Variants in PPP6R2 observed in about 807,000 individuals in gnomAD.
PPP6R2 encodes serine/threonine-protein phosphatase 6 regulatory subunit 2.
A neutral mutation model predicts 100.2 loss-of-function variants in PPP6R2; 62 were observed. The ratio of observed to expected loss-of-function variants is 0.62; its 90% CI spans 0.50 to 0.76. The LOEUF (loss-of-function observed/expected upper bound fraction) is 0.76, where lower values mean the gene tolerates loss of function less well. PPP6R2 is among the 30% of genes least tolerant of loss of function. PPP6R2 has a pLI of 0.00. For missense variants in PPP6R2, 1,142 were observed against 1,276.3 expected, an observed-to-expected ratio of 0.89 and a Z score of 1.60; for synonymous variants, 525 against 514.7, an observed-to-expected ratio of 1.02 and a Z score of -0.27.
At chr22:50,437,206 C>T (rs1427627408) in intron 15 of PPP6R2, 138 bp downstream of exon 15, 14 of 782,094 alleles carry the variant, frequency 1.8e-5, no homozygotes, top group Admixed American at 1.1e-4. Flanking sequence ...ACGTATGGGG[C>T]GGGGTGGGTC....
intron 22 of PPP6R2, among the ~76,000 whole-genome samples, chr22:50,442,386 T>C (rs557086814): frequency 5.3e-4 from 81 of 152,348 alleles, no homozygotes; most frequent in Non-Finnish European, 1.0e-3. Context: ...CCACCCTGTC[T>C]TCAGGGCATC....
At chr22:50,391,448 A>AAAT (rs2055518373) in intron 2 of PPP6R2, among the ~76,000 whole-genome samples, 1 of 151,380 alleles carries the variant, frequency 6.6e-6, no homozygotes, top group Non-Finnish European at 1.5e-5. Flanking sequence ...AAAAAAAAAA[A>AAAT]AAAAAAAATG....
Position 50,438,479 on chromosome 22 carries a change from G to A in PPP6R2, c.1965-120G>A, listed in dbSNP as rs538666313. ...CCAGAGCTGAGGCCTGGAGCGTCTC[G>A]TGCTCCTCTCTCGAGACGATCTGTG... is the stretch of plus-strand genomic sequence containing the variant. On this transcript the variant is annotated intron_variant, in intron 18 of 23. Coordinates refer to ENST00000612753, the MANE Select transcript of PPP6R2 (RefSeq NM_001242898.2). The A allele has an allele frequency of 3.2e-4, 459 of 1,432,586 alleles. 8 individuals are homozygous for A. The South Asian group carries it at 5.7e-3, about 18-fold the overall frequency. 88.7% of individuals were successfully genotyped at this position (1,432,586 alleles called of 1,614,324 possible).
At chr22:50,341,163 C>T (rs2042365198), upstream of PPP6R2, among the ~76,000 whole-genome samples, 1 of 152,100 alleles carries the variant, frequency 6.6e-6, no homozygotes. Context: ...CCACCCGCCT[C>T]GGCTTCCCAA....
chr22:50,360,983 C>A, intron 1 of PPP6R2, among the ~76,000 whole-genome samples: 1 of 152,194 alleles, frequency 6.6e-6, no homozygotes, highest in East Asian at 1.9e-4. Context: ...ACAGTCAGAC[C>A]TTTAGGAGCT....
chr22:50,362,908 C>T (rs1319013915), intron 1 of PPP6R2, among the ~76,000 whole-genome samples: 1 of 152,180 alleles, frequency 6.6e-6, no homozygotes, highest in Non-Finnish European at 1.5e-5. Flanking sequence ...GTGTTGTATT[C>T]TGGCCGCCTA....
the PPP6R2 span, among the ~76,000 whole-genome samples, chr22:50,331,398 T>G: frequency 6.6e-6 from 1 of 152,268 alleles, no homozygotes; most frequent in East Asian, 1.9e-4. Context: ...CCGAACAGTT[T>G]TACATTTCCA....
intron 13 of PPP6R2, 152 bp downstream of exon 13, chr22:50,435,233 T>A: frequency 1.7e-6 from 1 of 585,162 alleles, no homozygotes; most frequent in South Asian, 2.4e-5. Context: ...ACTTCACACA[T>A]CACATCTCTC....
chr22:50,395,909 C>G (rs528256174), intron 3 of PPP6R2, among the ~76,000 whole-genome samples: 1 of 149,784 alleles, frequency 6.7e-6, no homozygotes, highest in Non-Finnish European at 1.5e-5. Context: ...AAAAAAAAAT[C>G]GAAGCTCGGG....
chr22:50,440,066 C>T lies in PPP6R2; in HGVS notation c.2374+17C>T. ...AGAAAGCCTGTGAGTAGGAGCAGTG[C>T]AGGCGGCACCCAGCCTTGCCCAGTT... On this transcript the variant is annotated intron_variant, in intron 21 of 23. Transcript: ENST00000612753. The T allele has an allele frequency of 6.2e-7, 1 of 1,600,674 alleles. No homozygotes were observed. Among genetic ancestry groups the T allele is most frequent in the Non-Finnish European group, 8.5e-7 (1 of 1,170,560 alleles).
intron 22 of PPP6R2, among the ~76,000 whole-genome samples, chr22:50,441,932 G>A (rs1160929487): frequency 2.0e-5 from 3 of 152,234 alleles, no homozygotes; most frequent in Admixed American, 6.5e-5. Flanking sequence ...GGAGGAGGGC[G>A]CACCCAGCAA....
chr22:50,401,331 C>G (rs762675334), intron 3 of PPP6R2, among the ~76,000 whole-genome samples: 1 of 150,152 alleles, frequency 6.7e-6, no homozygotes. Context: ...CTCAGCCTCC[C>G]GTGTAGCTGG....
chr22:50,440,146 G>A lies in PPP6R2; in HGVS notation c.2374+97G>A, dbSNP rs188621239. ...TTGGGGGCAGTGGGAGGAGGTGGCC[G>A]GGGCCTCGCATGCTGCTACGTCTCT... On this transcript the variant is annotated intron_variant, in intron 21 of 23. Coordinates refer to ENST00000612753, the MANE Select transcript of PPP6R2 (RefSeq NM_001242898.2). 33 of 1,133,342 alleles carry A rather than the reference G, an allele frequency of 2.9e-5. No individual in the cohort carries two copies. In the East Asian group the frequency reaches 4.2e-4, roughly 15 times the overall value. 70.2% of individuals were successfully genotyped at this position (1,133,342 alleles called of 1,614,324 possible). A position where few individuals can be genotyped will look rare whatever the true frequency, so the allele number is the denominator to read the frequency against.
intron 4 of PPP6R2, among the ~76,000 whole-genome samples, chr22:50,410,953 C>G (rs12162983): frequency 0.38 from 57,617 of 151,794 alleles, 11,350 homozygotes; most frequent in East Asian, 0.67. Context: ...CCCCATGACC[C>G]GCTAATTTTT....
Position 50,444,132 on chromosome 22 carries a change from T to C in PPP6R2, c.2831+15T>C, listed in dbSNP as rs544782061. ...ACAAAGGACGGGTGAGCAGGTTGAG[T>C]GTGGGGGTAGGGGGTGTGGACAGGG... On this transcript the variant is annotated intron_variant, in intron 23 of 23. Transcript: ENST00000612753. The C allele has an allele frequency of 1.9e-6, 3 of 1,611,468 alleles. No homozygotes were observed. Among genetic ancestry groups the C allele is most frequent in the South Asian group, 2.2e-5 (2 of 91,038 alleles).
chr22:50,339,720 G>T (rs1376117324), upstream of PPP6R2, among the ~76,000 whole-genome samples: 3 of 139,902 alleles, frequency 2.1e-5, no homozygotes, highest in Non-Finnish European at 4.6e-5. Flanking sequence ...TGTGTGTAGG[G>T]TGTGTGTTGT....
intron 3 of PPP6R2, among the ~76,000 whole-genome samples, chr22:50,395,424 C>T (rs1443363534): frequency 2.6e-5 from 4 of 152,002 alleles, no homozygotes; most frequent in East Asian, 1.9e-4. Context: ...TGCAGATCTG[C>T]GAGGCACACA....
At chr22:50,440,125 G>A (rs1427825704) in intron 21 of PPP6R2, 76 bp downstream of exon 21, 7 of 1,386,576 alleles carry the variant, frequency 5.0e-6, no homozygotes, top group South Asian at 1.3e-5. Flanking sequence ...CCCTCCTTGG[G>A]GGCAGTGGGA....
intron 10 of PPP6R2, among the ~76,000 whole-genome samples, chr22:50,425,247 A>G (rs924190288): frequency 4.6e-5 from 7 of 152,154 alleles, no homozygotes; most frequent in African/African-American, 1.7e-4. Context: ...TGGAATCATA[A>G]AGTATTATCT....
Sources: allele counts gnomAD v4.1 joint callset (sites outside exome capture counted in the v4.1 genomes callset), GRCh38; gene constraint gnomAD v4.1.1; transcripts MANE v1.5; gene names NCBI Gene and HGNC (gene_info 2026-07-23, HGNC 2026-07-21).